The following OR2T35 variants were observed in gnomAD, a reference collection of about 807,000 sequenced individuals.
OR2T35 encodes the protein olfactory receptor family 2 subfamily T member 35 (gene/pseudogene), also known as olfactory receptor 2T35.
For missense variants in OR2T35, 47 were observed against 278.8 expected, an observed-to-expected ratio of 0.17 and a Z score of 5.92; for synonymous variants, 18 against 110.2, an observed-to-expected ratio of 0.16 and a Z score of 5.24.
intron 1 of OR2T35, among the ~76,000 whole-genome samples, 199 bp downstream of exon 1, chr1:248,645,048 T>C (rs1419584570): frequency 4.1e-5 from 5 of 121,352 alleles, no homozygotes; most frequent in African/African-American, 1.4e-4. Context: ...CTACTTTCCC[T>C]CCCATCCCAA....
At position 248,642,224 on chromosome 1, in the gene OR2T35, A is replaced by AG. The variant is rs1281333239; in HGVS notation, c.-22-2945_-22-2944insC. Among the ~76,000 whole-genome samples, 43 of 58,422 alleles carry AG rather than the reference A, an allele frequency of 7.4e-4. 1 individual carries two copies. Among genetic ancestry groups the AG allele is most frequent in the East Asian group, 3.6e-3 (5 of 1,402 alleles). The allele number at this position is 58,422 out of a possible 152,430, so 38.3% of individuals were successfully genotyped here. ...TCATCAACTAGTCTTTCCAAAAAAA[A>AG]AAAAAAAAAAAGAAAAAGAAAAAGA... On this transcript the variant is annotated intron_variant, in intron 1 of 1. Coordinates refer to ENST00000641268, the MANE Select transcript of OR2T35 (RefSeq NM_001001827.2).
chr1:248,639,505 T>C (rs1273769777), intron 1 of OR2T35, among the ~76,000 whole-genome samples: 1 of 151,168 alleles, frequency 6.6e-6, no homozygotes, highest in African/African-American at 2.4e-5. Context: ...TTCTGTACTC[T>C]ACAGGCTGGA....
At chr1:248,641,697 T>TA (rs3033658) in intron 1 of OR2T35, among the ~76,000 whole-genome samples, 20,691 of 58,804 alleles carry the variant, frequency 0.35, 4,680 homozygotes, top group Non-Finnish European at 0.42. Flanking sequence ...GAGACCGTGT[T>TA]AAAAAAAAAA....
chr1:248,645,065 A>G (rs1327678001), intron 1 of OR2T35, among the ~76,000 whole-genome samples, 182 bp downstream of exon 1: 2 of 129,134 alleles, frequency 1.5e-5, no homozygotes, highest in African/African-American at 2.8e-5. Flanking sequence ...CCAACTGACA[A>G]TTTGGAAATT....
chr1:248,638,070 T>A lies in OR2T35; in HGVS notation c.*217A>T. 1 of 299,664 alleles carries A rather than the reference T, an allele frequency of 3.3e-6. No individual in the cohort carries two copies. The highest frequency in any genetic ancestry group is 6.7e-6 in the Non-Finnish European group (1 of 149,574). 18.6% of individuals were successfully genotyped at this position (299,664 alleles called of 1,614,324 possible). On this transcript the variant is annotated 3_prime_UTR_variant, in exon 2 of 2. Coordinates refer to ENST00000641268, the MANE Select transcript of OR2T35 (RefSeq NM_001001827.2). ...TAAGTAATCCTTGCAACAGGATGATTTTGCCTGTTAATTTTGAATTGCTGA... is the reference window on the plus strand; with the variant it reads ...TAAGTAATCCTTGCAACAGGATGATATTGCCTGTTAATTTTGAATTGCTGA...
chr1:248,645,238 C>G lies in OR2T35; in HGVS notation c.-23+9G>C, dbSNP rs1211467192. ...TGAATACAGGTTTTAATGCTACATGCCAACTTACCTAAACTACATTGTCAA... is the reference window on the plus strand; with the variant it reads ...TGAATACAGGTTTTAATGCTACATGGCAACTTACCTAAACTACATTGTCAA... On this transcript the variant is annotated intron_variant, in intron 1 of 1. Transcript: ENST00000641268. 6 of 123,370 alleles carry G rather than the reference C, an allele frequency of 4.9e-5. No individual in the cohort carries two copies. The highest frequency in any genetic ancestry group is 9.0e-5 in the Non-Finnish European group (5 of 55,808). The allele number at this position is 123,370 out of a possible 1,614,324, so 7.6% of individuals were successfully genotyped here.
At chr1:248,645,007 T>TAGGCAGATAAAGGGGGGC (rs1275319682) in intron 1 of OR2T35, among the ~76,000 whole-genome samples, 4 of 42,510 alleles carry the variant, frequency 9.4e-5, no homozygotes, top group African/African-American at 1.7e-4. Flanking sequence ...CCTATTTAAA[T>TAGGCAGATAAAGGGGGGC]GGTAACTGTT....
chr1:248,642,242 G>GAA (rs1660796957), intron 1 of OR2T35, among the ~76,000 whole-genome samples: 1 of 88,420 alleles, frequency 1.1e-5, no homozygotes, highest in Non-Finnish European at 3.1e-5. Flanking sequence ...AAAAGAAAAA[G>GAA]AAAAAGAAAA....
intron 1 of OR2T35, 147 bp downstream of exon 1, chr1:248,645,100 G>C (rs149694431): frequency 9.4e-6 from 1 of 106,542 alleles, no homozygotes; most frequent in Admixed American, 1.1e-4. Flanking sequence ...TTAGGCATAA[G>C]ATAGAAGAGG....
At chr1:248,645,136 A>ACC (rs1558178433) in intron 1 of OR2T35, 111 bp downstream of exon 1, 1 of 135,782 alleles carries the variant, frequency 7.4e-6, no homozygotes, top group Non-Finnish European at 1.6e-5. Flanking sequence ...AAAAAAACAA[A>ACC]ACAAAATCAG....
chr1:248,645,021 A>T lies in OR2T35; in HGVS notation c.-23+226T>A, dbSNP rs1415464272. ...GCCTATTTAAATGGTAACTGTTTTCATTCGTGGAAAAGTAGTCTACTTTCC... is the reference window on the plus strand; with the variant it reads ...GCCTATTTAAATGGTAACTGTTTTCTTTCGTGGAAAAGTAGTCTACTTTCC... On this transcript the variant is annotated intron_variant, in intron 1 of 1. Transcript: ENST00000641268. 4.6e-5 allele frequency among the ~76,000 whole-genome samples: 4 copies of T among 87,066 alleles called. 1 individual carries two copies. The highest frequency in any genetic ancestry group is 5.3e-5 in the Non-Finnish European group (2 of 38,010). The allele number at this position is 87,066 out of a possible 152,430, so 57.1% of individuals were successfully genotyped here.
rs1427868697 is a variant in OR2T35 at position 248,643,865 on chromosome 1, T to C, written c.-23+1382A>G. Among the ~76,000 whole-genome samples the C allele has an allele frequency of 1.2e-4, 6 of 49,656 alleles. No individual in the cohort carries two copies. In the East Asian group the frequency reaches 2.4e-3, roughly 20 times the overall value. The allele number at this position is 49,656 out of a possible 152,430, so 32.6% of individuals were successfully genotyped here. A position where few individuals can be genotyped will look rare whatever the true frequency, so the allele number is the denominator to read the frequency against. On this transcript the variant is annotated intron_variant, in intron 1 of 1. Coordinates refer to ENST00000641268, the MANE Select transcript of OR2T35 (RefSeq NM_001001827.2). ...TTATGAGGGTTTCTCTCTCCTTAAG[T>C]CAAGAACTTTCACCTTTTTAGTTAA...
At chr1:248,644,982 A>T (rs28655242) in intron 1 of OR2T35, among the ~76,000 whole-genome samples, 1 of 27,056 alleles carries the variant, frequency 3.7e-5, no homozygotes, top group Non-Finnish European at 1.7e-4. Context: ...CTTAGTTACC[A>T]CCCCCCTTTA....
intron 1 of OR2T35, among the ~76,000 whole-genome samples, chr1:248,642,234 A>G (rs1419007162): frequency 1.0e-3 from 61 of 61,204 alleles, no homozygotes; most frequent in African/African-American, 1.8e-3. Flanking sequence ...AAAAAAAAAA[A>G]AGAAAAAGAA....
chr1:248,642,216 C>CAAAAAAAAAAAAA (rs61189391), intron 1 of OR2T35, among the ~76,000 whole-genome samples: 16 of 53,658 alleles, frequency 3.0e-4, no homozygotes, highest in Non-Finnish European at 7.1e-4. Context: ...CTAGTCTTTC[C>CAAAAAAAAAAAAA]AAAAAAAAAA....
chr1:248,638,195 C>G lies in OR2T35; in HGVS notation c.*92G>C, dbSNP rs1186744653. ...GATGTTTGCACTAGTCCCTGCTAGT[C>G]CTTCCTGATCAGTCACCACCCCTGA... On this transcript the variant is annotated 3_prime_UTR_variant, in exon 2 of 2. Coordinates refer to ENST00000641268, the MANE Select transcript of OR2T35 (RefSeq NM_001001827.2). The G allele has an allele frequency of 1.1e-6, 1 of 924,522 alleles. No individual in the cohort carries two copies. Among genetic ancestry groups the G allele is most frequent in the African/African-American group, 1.5e-5 (1 of 64,636 alleles). 57.3% of individuals were successfully genotyped at this position (924,522 alleles called of 1,614,324 possible).
At chr1:248,644,621 C>T (rs1321817599) in intron 1 of OR2T35, among the ~76,000 whole-genome samples, 2 of 144,430 alleles carry the variant, frequency 1.4e-5, no homozygotes, top group Non-Finnish European at 3.1e-5. Context: ...GACCAGAACT[C>T]AGCGTCGAGA....
At chr1:248,644,134 TTTTTCA>T (rs1359194202) in intron 1 of OR2T35, among the ~76,000 whole-genome samples, 312 of 41,634 alleles carry the variant, frequency 7.5e-3, no homozygotes, top group African/African-American at 0.014. Flanking sequence ...AAATTTGAGA[TTTTTCA>T]TTTAATATTT....
At chr1:248,639,681 T>C (rs1182032107) in intron 1 of OR2T35, among the ~76,000 whole-genome samples, 6 of 73,616 alleles carry the variant, frequency 8.2e-5, no homozygotes, top group African/African-American at 2.5e-4. Flanking sequence ...TGATTTGAAT[T>C]TAAATTGCTC....
Sources: allele counts gnomAD v4.1 joint callset (sites outside exome capture counted in the v4.1 genomes callset), GRCh38; gene constraint gnomAD v4.1.1; transcripts MANE v1.5; gene names NCBI Gene and HGNC (gene_info 2026-07-23, HGNC 2026-07-21).